The following HS3ST3A1 variants were observed in gnomAD, a reference collection of about 807,000 sequenced individuals.
HS3ST3A1 encodes the protein heparan sulfate glucosamine 3-O-sulfotransferase 3A1.
In HS3ST3A1, 19 loss-of-function variants were observed where a neutral mutation model predicts 25.7. The observed-to-expected ratio is 0.74, with a 90% CI of 0.52 to 1.08. The LOEUF is 1.08. HS3ST3A1 is among the 50% of genes least tolerant of loss of function. The pLI is 0.00. For missense variants in HS3ST3A1, 459 were observed against 594.3 expected, an observed-to-expected ratio of 0.77 and a Z score of 2.37; for synonymous variants, 226 against 278.6, an observed-to-expected ratio of 0.81 and a Z score of 1.88.
intron 1 of HS3ST3A1, among the ~76,000 whole-genome samples, chr17:13,597,359 T>C (rs148134783): frequency 7.9e-4 from 120 of 152,216 alleles, no homozygotes; most frequent in African/African-American, 2.7e-3. Flanking sequence ...GCTCGCCTGC[T>C]CTTGAACTAC....
chr17:13,542,431 G>A (rs1906962535), intron 1 of HS3ST3A1, among the ~76,000 whole-genome samples: 1 of 151,940 alleles, frequency 6.6e-6, no homozygotes, highest in Non-Finnish European at 1.5e-5. Flanking sequence ...CCAGGAGTAT[G>A]TCTGCACAGA....
chr17:13,552,430 C>T (rs1201986168), intron 1 of HS3ST3A1, among the ~76,000 whole-genome samples: 2 of 152,182 alleles, frequency 1.3e-5, no homozygotes, highest in East Asian at 3.9e-4. Flanking sequence ...TACTGATAAC[C>T]TAAGCACCAG....
intron 1 of HS3ST3A1, among the ~76,000 whole-genome samples, chr17:13,534,540 C>G (rs1435353611): frequency 4.7e-5 from 1 of 21,280 alleles, no homozygotes; most frequent in Non-Finnish European, 9.3e-5. Context: ...TTCATCTCTA[C>G]AAAATCCAAA....
At chr17:13,549,498 CTTCT>C (rs1907184656) in intron 1 of HS3ST3A1, among the ~76,000 whole-genome samples, 2 of 152,316 alleles carry the variant, frequency 1.3e-5, no homozygotes, top group East Asian at 3.9e-4. Context: ...CTCTTCCTTC[CTTCT>C]GTGTAAAAAT....
intron 1 of HS3ST3A1, among the ~76,000 whole-genome samples, chr17:13,502,682 AT>A (rs745743213): frequency 5.9e-5 from 9 of 152,178 alleles, no homozygotes; most frequent in Non-Finnish European, 7.4e-5. Flanking sequence ...AACCAATGAT[AT>A]TTGGTCAATT....
intron 1 of HS3ST3A1, among the ~76,000 whole-genome samples, chr17:13,542,740 A>T (rs1906970938): frequency 6.6e-6 from 1 of 152,120 alleles, no homozygotes; most frequent in Non-Finnish European, 1.5e-5. Flanking sequence ...TAATGAGATG[A>T]CTGGTGGCTG....
At chr17:13,548,639 G>A (rs1023978780) in intron 1 of HS3ST3A1, among the ~76,000 whole-genome samples, 19 of 152,278 alleles carry the variant, frequency 1.2e-4, no homozygotes, top group Middle Eastern at 3.4e-3. Context: ...CTTCTGGGTC[G>A]GGCGGGGACT....
intron 1 of HS3ST3A1, among the ~76,000 whole-genome samples, chr17:13,562,021 C>T (rs1022535668): frequency 5.3e-5 from 8 of 152,074 alleles, no homozygotes; most frequent in Admixed American, 1.3e-4. Flanking sequence ...GACAAAGTCA[C>T]GCCGCCCATG....
intron 1 of HS3ST3A1, among the ~76,000 whole-genome samples, chr17:13,551,176 G>A (rs9905396): frequency 0.019 from 2,932 of 150,974 alleles, 101 homozygotes; most frequent in African/African-American, 0.068. Flanking sequence ...ATGAAACCCC[G>A]TCTCTATTAA....
At chr17:13,577,567 A>G (rs1329236000) in intron 1 of HS3ST3A1, among the ~76,000 whole-genome samples, 1 of 152,200 alleles carries the variant, frequency 6.6e-6, no homozygotes, top group Non-Finnish European at 1.5e-5. Flanking sequence ...CCTTAGTCAA[A>G]ATTTACATAA....
At chr17:13,512,774 G>T (rs760794402) in intron 1 of HS3ST3A1, among the ~76,000 whole-genome samples, 6 of 152,092 alleles carry the variant, frequency 3.9e-5, no homozygotes, top group African/African-American at 1.2e-4. Flanking sequence ...AAAATAAATT[G>T]TACTGCGTAA....
intron 1 of HS3ST3A1, among the ~76,000 whole-genome samples, chr17:13,520,755 C>T (rs2142318108): frequency 6.6e-6 from 1 of 152,156 alleles, no homozygotes; most frequent in African/African-American, 2.4e-5. Context: ...GCTGGGATTA[C>T]AGGCACCCAC....
chr17:13,596,597 C>T (rs1377292765), intron 1 of HS3ST3A1, among the ~76,000 whole-genome samples: 1 of 152,060 alleles, frequency 6.6e-6, no homozygotes, highest in Non-Finnish European at 1.5e-5. Context: ...CTTCTATAGA[C>T]AAGTACGCTA....
intron 1 of HS3ST3A1, among the ~76,000 whole-genome samples, chr17:13,547,586 G>A (rs911174265): frequency 1.3e-5 from 2 of 152,152 alleles, no homozygotes; most frequent in African/African-American, 4.8e-5. Context: ...GAAGATCCAT[G>A]CCCTTCCTCC....
chr17:13,547,221 A>G (rs367762422), intron 1 of HS3ST3A1, among the ~76,000 whole-genome samples: 13 of 152,284 alleles, frequency 8.5e-5, no homozygotes, highest in Non-Finnish European at 1.3e-4. Context: ...ATCATTAAAA[A>G]AAATTTGGTC....
At chr17:13,502,817 G>A (rs981520197) in intron 1 of HS3ST3A1, among the ~76,000 whole-genome samples, 3 of 151,024 alleles carry the variant, frequency 2.0e-5, no homozygotes, top group Non-Finnish European at 2.9e-5. Flanking sequence ...AGGAAACGTA[G>A]AACATCTTGA....
intron 1 of HS3ST3A1, among the ~76,000 whole-genome samples, chr17:13,562,205 G>A (rs1419444313): frequency 2.0e-5 from 3 of 152,076 alleles, no homozygotes; most frequent in African/African-American, 7.2e-5. Flanking sequence ...CTGTCTCTAG[G>A]AAAAAGGAGC....
intron 1 of HS3ST3A1, among the ~76,000 whole-genome samples, chr17:13,573,546 T>C (rs1288740221): frequency 1.3e-5 from 2 of 152,146 alleles, no homozygotes; most frequent in South Asian, 4.1e-4. Flanking sequence ...ATCTGATGAT[T>C]CTTCCTCTCC....
intron 1 of HS3ST3A1, among the ~76,000 whole-genome samples, chr17:13,499,068 T>C (rs1190453818): frequency 6.6e-6 from 1 of 152,180 alleles, no homozygotes; most frequent in Non-Finnish European, 1.5e-5. Flanking sequence ...ACTTCCTTTT[T>C]CAAAATAATT....
Sources: allele counts gnomAD v4.1 joint callset (sites outside exome capture counted in the v4.1 genomes callset), GRCh38; gene constraint gnomAD v4.1.1; transcripts MANE v1.5; gene names NCBI Gene and HGNC (gene_info 2026-07-23, HGNC 2026-07-21).